SAP130: variants seen among roughly 807,000 people sequenced by gnomAD.
SAP130 encodes histone deacetylase complex subunit SAP130.
In SAP130, 16 loss-of-function variants were observed where a neutral mutation model predicts 103.2. The ratio of observed to expected loss-of-function variants is 0.16; its 90% CI spans 0.10 to 0.24. The LOEUF (loss-of-function observed/expected upper bound fraction) is 0.24, where lower values mean the gene tolerates loss of function less well. Among genes scored for constraint, SAP130 ranks in the 10% least tolerant of loss-of-function variants. The pLI is 1.00. For missense variants in SAP130, 990 were observed against 1,359.7 expected (o/e 0.73, Z 4.28); for synonymous variants, 477 against 497.0 (o/e 0.96, Z 0.53).
chr2:127,964,027 C>T (rs997584083), intron 15 of SAP130, among the ~76,000 whole-genome samples: 1 of 152,196 alleles, frequency 6.6e-6, no homozygotes, highest in South Asian at 2.1e-4. Flanking sequence ...GCCCTTTTTA[C>T]CCATTTTAAA....
rs553067761 is a variant in SAP130, at chr2:127,998,818, C to T, written c.1213+923G>A. On this transcript the variant is annotated intron_variant, in intron 10 of 20. Transcript: ENST00000643581. ...GGCCCCTCTTTATTGGTCTGACTTT[C>T]GATCATAGATACAAATACCCGAGTG... is the stretch of plus-strand genomic sequence containing the variant. Among the ~76,000 whole-genome samples the T allele has an allele frequency of 5.3e-4, 81 of 152,256 alleles. 2 individuals carry two copies. In the South Asian group the frequency reaches 0.014, roughly 27 times the overall value.
intron 5 of SAP130, 79 bp downstream of exon 5, chr2:128,014,724 C>T: frequency 1.0e-6 from 1 of 975,022 alleles, no homozygotes; most frequent in South Asian, 1.3e-5. Context: ...ATTCTAGATA[C>T]ATTCTGTGTT....
At chr2:127,992,584 T>C (rs1347025372) in intron 12 of SAP130, among the ~76,000 whole-genome samples, 1 of 152,154 alleles carries the variant, frequency 6.6e-6, no homozygotes, top group African/African-American at 2.4e-5. Context: ...TGCACCTGGC[T>C]GGAAATAAGG....
rs2276681 is a variant in SAP130, at chr2:128,000,084, G to C, written c.1080C>G (p.Thr360=). The C allele has an allele frequency of 4.1e-3, 6,551 of 1,614,150 alleles. 267 individuals are homozygous for C. In the Admixed American group the frequency reaches 0.084, roughly 21 times the overall value. The change falls in exon 9 of 21, where the codon ACC becomes ACG. Residue 360 remains threonine, a synonymous_variant. Transcript: ENST00000643581. ...AAATVAPILA[T]NTIPSATTAG... is the part of the protein sequence containing the mutation. ...CTGTGGTCGCTGAAGGAATGGTGTT[G>C]GTTGCCAAAATAGGTGCTACTGTGG...
chr2:127,980,099 G>C (rs371714833), intron 14 of SAP130, among the ~76,000 whole-genome samples: 1 of 151,738 alleles, frequency 6.6e-6, no homozygotes, highest in Non-Finnish European at 1.5e-5. Flanking sequence ...GGCTGGTCTC[G>C]ATCTCCTGAC....
At chr2:127,943,211 G>A (rs1678830812) in intron 19 of SAP130, among the ~76,000 whole-genome samples, 2 of 152,122 alleles carry the variant, frequency 1.3e-5, no homozygotes, top group South Asian at 4.1e-4. Flanking sequence ...TTTAGATACT[G>A]ACAACAGACA....
At chr2:127,956,697 T>A (rs1679864150) in intron 15 of SAP130, among the ~76,000 whole-genome samples, 4 of 72,780 alleles carry the variant, frequency 5.5e-5, no homozygotes, top group South Asian at 6.2e-4. Flanking sequence ...GAACTTAAAG[T>A]ATAATAAAAA....
intron 18 of SAP130, 64 bp downstream of exon 18, chr2:127,949,805 T>C: frequency 6.5e-7 from 1 of 1,537,468 alleles, no homozygotes; most frequent in South Asian, 1.2e-5. Context: ...GTTTTTCTCT[T>C]CTATTTTAAT....
intron 15 of SAP130, among the ~76,000 whole-genome samples, chr2:127,958,665 AGAGAGAGAG>A (rs1680019845): frequency 1.3e-5 from 2 of 150,762 alleles, no homozygotes; most frequent in Non-Finnish European, 3.0e-5. Context: ...AGAGAGAGAG[AGAGAGAGAG>A]AGAGAGAGAG....
chr2:127,942,202 T>G lies in SAP130; in HGVS notation c.3016-38A>C, dbSNP rs2304520. The G allele has an allele frequency of 1.0e-2, 15,464 of 1,554,088 alleles. 778 individuals carry two copies. In the East Asian group the frequency reaches 0.15, roughly 15 times the overall value. On this transcript the variant is annotated intron_variant, in intron 20 of 20. Transcript: ENST00000643581. The surrounding 1 kb of genome is among the most constrained non-coding windows in gnomAD (Gnocchi z 4.8). ...ACATTGCATCATCAATCAGTGACCA[T>G]GAGGATAGTACAGCTTTTAAAAAAC... is the stretch of plus-strand genomic sequence containing the variant.
Position 128,016,429 on chromosome 2 carries a change from T to G in SAP130, c.467A>C (p.Gln156Pro). The G allele has an allele frequency of 6.2e-7, 1 of 1,613,854 alleles. No individual in the cohort carries two copies. The part of the protein sequence containing the change: ...VTVTMESSIP[Q>P]ASAIPVATIS... Reference sequence around the variant, plus strand: ...TGTTGCCACAGGAATGGCTGAAGCTTGAGGGATGCTACTCTCCATGGTAAC... The same window carrying G: ...TGTTGCCACAGGAATGGCTGAAGCTGGAGGGATGCTACTCTCCATGGTAAC... The change falls in exon 4 of 21, where the codon CAA (glutamine) becomes CCA (proline). Residue 156 changes from glutamine to proline, a missense_variant. Transcript: ENST00000643581.
chr2:128,007,619 C>T (rs950163999), intron 7 of SAP130, among the ~76,000 whole-genome samples: 3 of 152,122 alleles, frequency 2.0e-5, no homozygotes, highest in Non-Finnish European at 2.9e-5. Flanking sequence ...TTAATAACTG[C>T]CACAAAGTAA....
chr2:127,978,541 G>A (rs148452022), intron 14 of SAP130, among the ~76,000 whole-genome samples: 1 of 152,226 alleles, frequency 6.6e-6, no homozygotes, highest in Admixed American at 6.5e-5. Context: ...CTGTGCAGCA[G>A]AGAGGCCACG....
intron 7 of SAP130, among the ~76,000 whole-genome samples, chr2:128,009,324 A>C (rs1433545950): frequency 6.6e-6 from 1 of 152,084 alleles, no homozygotes; most frequent in East Asian, 1.9e-4. Context: ...TAAAAAAATT[A>C]GTTAGGCATG....
At chr2:128,003,177 T>C (rs778343402) in intron 7 of SAP130, among the ~76,000 whole-genome samples, 6 of 151,230 alleles carry the variant, frequency 4.0e-5, no homozygotes, top group African/African-American at 1.5e-4. Context: ...CTAGCCCAAT[T>C]TGGGGCACTG....
chr2:127,999,890 G>A, intron 9 of SAP130, 45 bp from the exon 10 acceptor site: 1 of 1,447,380 alleles, frequency 6.9e-7, no homozygotes, highest in Non-Finnish European at 9.4e-7. Flanking sequence ...GAACTTCTCT[G>A]CACACGTTAC....
At position 128,010,410 on chromosome 2, in the gene SAP130, A is replaced by C. The variant is rs762340760; in HGVS notation, c.745-17T>G. On this transcript the variant is annotated splice_polypyrimidine_tract_variant and intron_variant, in intron 6 of 20. Coordinates refer to ENST00000643581, the MANE Select transcript of SAP130 (RefSeq NM_001330301.2). The stretch of plus-strand genomic sequence containing the variant: ...TGGCCGAGACTACCAAAAGAGAAAA[A>C]ACAGTTCATTTAAAACAAAAATAAA... 2.1e-5 allele frequency: 33 copies of C among 1,599,446 alleles called. No individual in the cohort carries two copies. Among genetic ancestry groups the C allele is most frequent in the Non-Finnish European group, 2.6e-5 (30 of 1,173,088 alleles).
chr2:128,009,415 G>A (rs938887807), intron 7 of SAP130, among the ~76,000 whole-genome samples: 2 of 152,130 alleles, frequency 1.3e-5, no homozygotes, highest in African/African-American at 4.8e-5. Context: ...AGGCTGCAGT[G>A]AGCCATGATC....
intron 11 of SAP130, among the ~76,000 whole-genome samples, chr2:127,993,683 CAAAT>C (rs1006751663): frequency 5.9e-5 from 9 of 152,118 alleles, no homozygotes; most frequent in African/African-American, 2.2e-4. Context: ...ATACATAAAA[CAAAT>C]AATCCCAATT....
Sources: allele counts gnomAD v4.1 joint callset (sites outside exome capture counted in the v4.1 genomes callset), GRCh38; gene constraint gnomAD v4.1.1; non-coding constraint Gnocchi (gnomAD v3.1); transcripts MANE v1.5; gene names NCBI Gene and HGNC (gene_info 2026-07-23, HGNC 2026-07-21).